Variants in UBE2W observed in about 807,000 individuals in gnomAD.
UBE2W encodes ubiquitin conjugating enzyme E2 W.
Under a neutral mutation model 27.2 loss-of-function variants are expected in UBE2W, and 18 were observed. The observed-to-expected ratio is 0.66, with a 90% CI of 0.46 to 0.98. UBE2W has a LOEUF of 0.98. Among genes scored for constraint, UBE2W ranks in the 50% least tolerant of loss-of-function variants. UBE2W has a pLI of 0.00. For synonymous variants in UBE2W, 53 were observed against 57.2 expected (o/e 0.93, Z 0.33); for missense variants, 90 against 180.2 (o/e 0.50, Z 2.87).
Position 73,786,559 on chromosome 8 carries a change from T to C in UBE2W, c.*7543A>G, listed in dbSNP as rs1162092199. The C allele has an allele frequency of 1.0e-6, 1 of 985,330 alleles. No individual in the cohort carries two copies. Among genetic ancestry groups the C allele is most frequent in the Admixed American group, 6.1e-5 (1 of 16,264 alleles). The allele number at this position is 985,330 out of a possible 1,614,324, so 61.0% of individuals were successfully genotyped here. On this transcript the variant is annotated 3_prime_UTR_variant, in exon 6 of 6. Coordinates refer to ENST00000602593, the MANE Select transcript of UBE2W (RefSeq NM_018299.6). Reference sequence around the variant, plus strand: ...AGAAGAAAGGACAAGGATGATAACCTTTCAGCTACCTTTGAACTAGACCTT... The same window carrying C: ...AGAAGAAAGGACAAGGATGATAACCCTTCAGCTACCTTTGAACTAGACCTT...
intron 1 of UBE2W, among the ~76,000 whole-genome samples, chr8:73,843,847 T>C (rs1810649581): frequency 6.6e-6 from 1 of 150,960 alleles, no homozygotes; most frequent in African/African-American, 2.4e-5. Flanking sequence ...TAAATAATAA[T>C]GTGTGGTGGT....
intron 1 of UBE2W, among the ~76,000 whole-genome samples, chr8:73,878,351 C>T (rs1812326526): frequency 6.6e-6 from 1 of 152,226 alleles, no homozygotes; most frequent in Middle Eastern, 3.2e-3. Context: ...CCGCCTTCTC[C>T]GGAGACGCAT....
intron 5 of UBE2W, among the ~76,000 whole-genome samples, 179 bp downstream of exon 5, chr8:73,805,472 C>CAAAAAAAAAAAAAAAACAAAA: frequency 2.3e-5 from 1 of 43,694 alleles, no homozygotes; most frequent in Admixed American, 3.9e-4. Context: ...AAAAAAAAAA[C>CAAAAAAAAAAAAAAAACAAAA]AAAAAAAACT....
intron 3 of UBE2W, among the ~76,000 whole-genome samples, chr8:73,811,558 C>CA (rs11397516): frequency 0.11 from 17,357 of 151,820 alleles, 3,161 homozygotes; most frequent in African/African-American, 0.39. Context: ...CTGACCTCGC[C>CA]AAAAATCAAA....
chr8:73,869,346 T>G (rs1811904114), intron 1 of UBE2W, among the ~76,000 whole-genome samples: 2 of 152,078 alleles, frequency 1.3e-5, no homozygotes, highest in South Asian at 4.1e-4. Flanking sequence ...TCACAAGGTC[T>G]AGGAGTTCAA....
At chr8:73,833,704 A>C (rs982568093) in intron 1 of UBE2W, 5 of 151,624 alleles carry the variant, frequency 3.3e-5, no homozygotes, top group Non-Finnish European at 5.9e-5. Context: ...ATGAATTTTA[A>C]AACCAAATAA....
At chr8:73,809,635 T>C (rs1809065881) in intron 4 of UBE2W, among the ~76,000 whole-genome samples, 1 of 152,062 alleles carries the variant, frequency 6.6e-6, no homozygotes, top group South Asian at 2.1e-4. Flanking sequence ...ACCCAGGCTG[T>C]AGTGTAGTGG....
intron 1 of UBE2W, among the ~76,000 whole-genome samples, chr8:73,859,742 T>A (rs1811466139): frequency 6.6e-6 from 1 of 152,180 alleles, no homozygotes; most frequent in South Asian, 2.1e-4. Flanking sequence ...AAGGGTTAAC[T>A]GTAAATTAGA....
chr8:73,855,685 C>T (rs559268920), intron 1 of UBE2W, among the ~76,000 whole-genome samples: 9 of 152,096 alleles, frequency 5.9e-5, no homozygotes, highest in African/African-American at 2.2e-4. Flanking sequence ...GGATTACAGG[C>T]GTGAGCCACA....
intron 1 of UBE2W, among the ~76,000 whole-genome samples, chr8:73,867,052 A>C (rs1455787558): frequency 1.3e-5 from 2 of 152,190 alleles, no homozygotes; most frequent in East Asian, 3.9e-4. Context: ...AATAATGTCT[A>C]ATAAAGGACA....
rs759757394 is a variant in UBE2W at position 73,792,943 on chromosome 8, T to C, written c.*1159A>G. On this transcript the variant is annotated 3_prime_UTR_variant, in exon 6 of 6. Transcript: ENST00000602593. ...TTGCCTAAATTTTAAAATAAAAATGTCCACACTCTTTTGTTAAAACATTAA... is the reference window on the plus strand; with the variant it reads ...TTGCCTAAATTTTAAAATAAAAATGCCCACACTCTTTTGTTAAAACATTAA... The C allele has an allele frequency of 1.0e-6, 1 of 985,578 alleles. No individual in the cohort carries two copies. The highest frequency in any genetic ancestry group is 1.2e-6 in the Non-Finnish European group (1 of 829,822). 61.1% of individuals were successfully genotyped at this position (985,578 alleles called of 1,614,324 possible).
At position 73,805,472 on chromosome 8, in the gene UBE2W, C is replaced by CAAAAAAAAAAAAAAAAAAAAAAAAA; in HGVS notation, c.442+178_442+179insTTTTTTTTTTTTTTTTTTTTTTTTT. On this transcript the variant is annotated intron_variant, in intron 5 of 5. Transcript: ENST00000602593. ...TCCATCTCAAAAAAAAAAAAAAAAA[C>CAAAAAAAAAAAAAAAAAAAAAAAAA]AAAAAAAACTAGGGTAATTCATCCA... Among the ~76,000 whole-genome samples, 101 of 43,658 alleles carry CAAAAAAAAAAAAAAAAAAAAAAAAA rather than the reference C, an allele frequency of 2.3e-3. 16 individuals are homozygous for CAAAAAAAAAAAAAAAAAAAAAAAAA. Among genetic ancestry groups the CAAAAAAAAAAAAAAAAAAAAAAAAA allele is most frequent in the Middle Eastern group, 0.015 (1 of 66 alleles). 28.6% of individuals were successfully genotyped at this position (43,658 alleles called of 152,430 possible). A position where few individuals can be genotyped will look rare whatever the true frequency, so the allele number is the denominator to read the frequency against.
intron 1 of UBE2W, among the ~76,000 whole-genome samples, chr8:73,864,861 C>G (rs1450470878): frequency 6.6e-6 from 1 of 151,822 alleles, no homozygotes; most frequent in African/African-American, 2.4e-5. Context: ...CTCAGCCTCC[C>G]AAAGTGCTGG....
At chr8:73,842,557 A>AG in intron 1 of UBE2W, among the ~76,000 whole-genome samples, 1 of 148,850 alleles carries the variant, frequency 6.7e-6, no homozygotes, top group Non-Finnish European at 1.5e-5. Context: ...AAAAAAAAAA[A>AG]AATGACGTGG....
At chr8:73,875,325 C>A (rs2131002126) in intron 1 of UBE2W, among the ~76,000 whole-genome samples, 1 of 152,270 alleles carries the variant, frequency 6.6e-6, no homozygotes, top group Non-Finnish European at 1.5e-5. Context: ...CTTCTAGCCT[C>A]CCAATCTCAT....
intron 1 of UBE2W, chr8:73,870,388 AT>A: frequency 1.5e-6 from 2 of 1,303,074 alleles, no homozygotes; most frequent in South Asian, 1.4e-5. Context: ...GGGACTAGAA[AT>A]CAGAAAAAAA....
intron 1 of UBE2W, among the ~76,000 whole-genome samples, chr8:73,874,155 G>A (rs1351389460): frequency 1.3e-5 from 2 of 152,160 alleles, no homozygotes; most frequent in Admixed American, 1.3e-4. Flanking sequence ...AACACGGCCG[G>A]GCGCGGTGGC....
At chr8:73,875,971 G>C (rs1016399172) in intron 1 of UBE2W, among the ~76,000 whole-genome samples, 11 of 152,056 alleles carry the variant, frequency 7.2e-5, no homozygotes, top group African/African-American at 2.7e-4. Flanking sequence ...AGAATTGCTA[G>C]AACCCTGGGA....
intron 3 of UBE2W, among the ~76,000 whole-genome samples, chr8:73,815,848 T>C (rs547924456): frequency 1.8e-4 from 28 of 152,254 alleles, no homozygotes; most frequent in Non-Finnish European, 3.1e-4. Context: ...GAGGAAAATA[T>C]GTTCTCTGAT....
Sources: allele counts gnomAD v4.1 joint callset (sites outside exome capture counted in the v4.1 genomes callset), GRCh38; gene constraint gnomAD v4.1.1; transcripts MANE v1.5; gene names NCBI Gene and HGNC (gene_info 2026-07-23, HGNC 2026-07-21).